TTLL5: variants seen among roughly 807,000 people sequenced by gnomAD.
The protein encoded by TTLL5 is tubulin polyglutamylase TTLL5.
TTLL5 carries 132 observed loss-of-function variants against 168.4 expected under a neutral mutation model. The observed-to-expected ratio is 0.78, with a 90% CI of 0.68 to 0.91. The LOEUF (loss-of-function observed/expected upper bound fraction) is 0.91. Among genes scored for constraint, TTLL5 ranks in the 40% least tolerant of loss-of-function variants. The pLI is 0.00. For synonymous variants in TTLL5, 546 were observed against 558.6 expected (o/e 0.98, Z 0.32); for missense variants, 1,545 against 1,581.5 (o/e 0.98, Z 0.39).
intron 29 of TTLL5, among the ~76,000 whole-genome samples, chr14:75,869,566 A>G (rs1399629244): frequency 6.6e-6 from 1 of 152,100 alleles, no homozygotes; most frequent in Non-Finnish European, 1.5e-5. Context: ...ATCTCAGTGG[A>G]TCTTTACAGC....
intron 31 of TTLL5, among the ~76,000 whole-genome samples, chr14:75,910,027 A>G (rs2033307593): frequency 6.6e-6 from 1 of 152,246 alleles, no homozygotes; most frequent in African/African-American, 2.4e-5. Context: ...GGTACTTCTA[A>G]GAATCTATCC....
chr14:75,804,171 A>G (rs572910905), intron 27 of TTLL5, among the ~76,000 whole-genome samples: 3 of 152,138 alleles, frequency 2.0e-5, no homozygotes, highest in Admixed American at 6.5e-5. Flanking sequence ...TTTCATTTAG[A>G]TGGAGAGTGG....
rs142259619 is a variant in TTLL5, at chr14:75,834,732, T to C, written c.3326+14571T>C. Among the ~76,000 whole-genome samples, 502 of 152,244 alleles carry C rather than the reference T, an allele frequency of 3.3e-3. 3 individuals are homozygous for C. The highest frequency in any genetic ancestry group is 0.011 in the African/African-American group (468 of 41,532). ...ATGGATTAGGTCAGGACTTTTTCCT[T>C]TAACAAGAACCACAATTCAGCATGC... On this transcript the variant is annotated intron_variant, in intron 28 of 31. Transcript: ENST00000298832.
Position 75,942,119 on chromosome 14 carries a change from CT to C in TTLL5, c.3824-12303del, listed in dbSNP as rs796129622. On this transcript the variant is annotated intron_variant, in intron 31 of 31. Transcript: ENST00000298832. ...AATGGCTTGAACCAGGGAGGCGGAG[CT>C]TGCAGTGAGCTGAGATCATGCCACT... Among the ~76,000 whole-genome samples the C allele has an allele frequency of 5.2e-4, 79 of 151,090 alleles. 1 individual carries two copies. The highest frequency in any genetic ancestry group is 1.8e-3 in the African/African-American group (75 of 41,106).
intron 26 of TTLL5, among the ~76,000 whole-genome samples, chr14:75,784,985 A>C (rs956944152): frequency 6.6e-6 from 1 of 152,100 alleles, no homozygotes; most frequent in African/African-American, 2.4e-5. Context: ...ACTCTAGATA[A>C]AAACCCTTTG....
At chr14:75,762,983 T>C (rs74069226) in intron 18 of TTLL5, among the ~76,000 whole-genome samples, 2,706 of 152,230 alleles carry the variant, frequency 0.018, 75 homozygotes, top group African/African-American at 0.062. Flanking sequence ...ATCTCAAACA[T>C]TAGATTGTCT....
rs1241740702 is a variant in TTLL5, at chr14:75,914,031, AAAAT to A, written c.3823+11809_3823+11812del. Among the ~76,000 whole-genome samples, 5 of 77,330 alleles carry A rather than the reference AAAAT, an allele frequency of 6.5e-5. No individual in the cohort carries two copies. The African/African-American group carries it at 6.9e-4, about 11-fold the overall frequency. 50.7% of individuals were successfully genotyped at this position (77,330 alleles called of 152,430 possible). A position where few individuals can be genotyped will look rare whatever the true frequency, so the allele number is the denominator to read the frequency against. On this transcript the variant is annotated intron_variant, in intron 31 of 31. Coordinates refer to ENST00000298832, the MANE Select transcript of TTLL5 (RefSeq NM_015072.5). Reference sequence around the variant, plus strand: ...CTGTTTAAAAGGAAAAAAAAAAAAAAAAATATATATATATATATATATATTTTAT... The same window carrying A: ...CTGTTTAAAAGGAAAAAAAAAAAAAAATATATATATATATATATATTTTAT...
chr14:75,774,744 C>T (rs767952343), intron 21 of TTLL5, among the ~76,000 whole-genome samples: 5 of 151,810 alleles, frequency 3.3e-5, no homozygotes, highest in African/African-American at 9.7e-5. Flanking sequence ...GTTGGAGTGC[C>T]GTGGCATGAT....
At chr14:75,826,924 A>AAGATCTCAT (rs1555349411) in intron 28 of TTLL5, among the ~76,000 whole-genome samples, 1 of 2,680 alleles carries the variant, frequency 3.7e-4, no homozygotes, top group African/African-American at 3.0e-3. Context: ...CCTTTAACTA[A>AAGATCTCAT]CCCACCTGCC....
intron 9 of TTLL5, among the ~76,000 whole-genome samples, chr14:75,717,418 T>C (rs915481705): frequency 2.6e-5 from 4 of 152,182 alleles, no homozygotes. Context: ...CCCAGCCAGT[T>C]GTTATTTCTG....
Position 75,872,237 on chromosome 14 carries a change from AAG to A in TTLL5, c.3522+8379_3522+8380del, listed in dbSNP as rs1463815509. 2.6e-5 allele frequency among the ~76,000 whole-genome samples: 4 copies of A among 152,362 alleles called. 1 individual carries two copies. The highest frequency in any genetic ancestry group is 9.6e-5 in the African/African-American group (4 of 41,584). On this transcript the variant is annotated intron_variant, in intron 29 of 31. Transcript: ENST00000298832. ...TCAAACTTTCCTTTCCTTCTCAAGA[AAG>A]AGAATGATCTTGGAGCAAGGTGAAT...
chr14:75,941,911 G>A (rs567325922), intron 31 of TTLL5, among the ~76,000 whole-genome samples: 21 of 148,404 alleles, frequency 1.4e-4, no homozygotes, highest in African/African-American at 4.3e-4. Context: ...ATAAAAATGC[G>A]GTGGCTCACA....
chr14:75,914,504 C>T (rs924159420), intron 31 of TTLL5, among the ~76,000 whole-genome samples: 2 of 151,990 alleles, frequency 1.3e-5, no homozygotes, highest in African/African-American at 4.8e-5. Flanking sequence ...TATTATTAAA[C>T]AGTCTTCAAA....
At chr14:75,755,647 T>C (rs1309333493) in intron 18 of TTLL5, among the ~76,000 whole-genome samples, 1 of 152,118 alleles carries the variant, frequency 6.6e-6, no homozygotes, top group Non-Finnish European at 1.5e-5. Flanking sequence ...TTTGTCAGTA[T>C]CAAGAACCTA....
intron 30 of TTLL5, among the ~76,000 whole-genome samples, chr14:75,890,020 G>A (rs938446734): frequency 6.6e-6 from 1 of 152,090 alleles, no homozygotes; most frequent in Non-Finnish European, 1.5e-5. Context: ...ACTGAAAGAT[G>A]AAAAAGAAAT....
chr14:75,895,540 T>C (rs1468282769), intron 30 of TTLL5, among the ~76,000 whole-genome samples: 1 of 152,048 alleles, frequency 6.6e-6, no homozygotes, highest in Non-Finnish European at 1.5e-5. Context: ...AAAAAATCCA[T>C]GTGTTGGAAA....
intron 31 of TTLL5, among the ~76,000 whole-genome samples, chr14:75,934,463 A>T (rs1483643729): frequency 6.6e-6 from 1 of 152,218 alleles, no homozygotes; most frequent in Non-Finnish European, 1.5e-5. Flanking sequence ...TGAACCTAAG[A>T]TTGTTATGAT....
intron 30 of TTLL5, among the ~76,000 whole-genome samples, chr14:75,891,938 C>G (rs971422577): frequency 1.3e-5 from 2 of 152,170 alleles, no homozygotes; most frequent in Non-Finnish European, 2.9e-5. Flanking sequence ...TATATTGCAT[C>G]CAATGTCTGC....
intron 20 of TTLL5, 58 bp from the exon 21 acceptor site, chr14:75,771,676 A>C: frequency 6.2e-7 from 1 of 1,605,262 alleles, no homozygotes; most frequent in Admixed American, 1.7e-5. Flanking sequence ...AAGCAAGTAC[A>C]CATTTTGTAG....
Sources: gnomAD v4.1 joint callset for allele counts (sites outside exome capture counted in the v4.1 genomes callset) on GRCh38, gnomAD v4.1.1 for gene constraint, MANE v1.5 for transcripts, NCBI Gene and HGNC (gene_info 2026-07-23, HGNC 2026-07-21) for gene names.